Variants in NAGPA observed in about 807,000 individuals in gnomAD.
NAGPA encodes the protein alpha-N-acetylglucosaminyl phosphodiesterase.
A neutral mutation model predicts 48.5 loss-of-function variants in NAGPA; 56 were observed. The observed-to-expected ratio is 1.15, with a 90% CI of 0.93 to 1.44. NAGPA has a LOEUF of 1.44. Ranked by LOEUF, NAGPA falls within the 40% of genes most tolerant of loss-of-function variation. The pLI is 0.00. For synonymous variants in NAGPA, 399 were observed against 315.5 expected, an observed-to-expected ratio of 1.26 and a Z score of -2.81; for missense variants, 888 against 735.0, an observed-to-expected ratio of 1.21 and a Z score of -2.41.
chr16:5,031,641 C>G (rs1956097652), intron 3 of NAGPA, 104 bp downstream of exon 3: 8 of 1,507,376 alleles, frequency 5.3e-6, no homozygotes, highest in Non-Finnish European at 6.5e-6. Flanking sequence ...GTGCTGGGCA[C>G]AAAGTAGCTG....
intron 3 of NAGPA, chr16:5,031,537 T>C (rs2142566017): frequency 3.0e-6 from 2 of 671,498 alleles, no homozygotes; most frequent in South Asian, 1.8e-5. Context: ...TGAGCACTTA[T>C]CAATTCTTTT....
chr16:5,031,302 C>G, intron 3 of NAGPA: 1 of 261,330 alleles, frequency 3.8e-6, no homozygotes, highest in Non-Finnish European at 7.5e-6. Context: ...CAGTGGTTCT[C>G]AACCTTGAGT....
In NAGPA at chr16:5,025,430, G is replaced by A. The variant is rs748212801; in HGVS notation, c.*48C>T. On this transcript the variant is annotated 3_prime_UTR_variant, in exon 10 of 10. Transcript: ENST00000312251. Reference sequence around the variant, plus strand: ...AAATTTCCCCTGCAGAAGCCAGACCGTGGGGAAACAAGCTTTCGCGACGTG... The same window carrying A: ...AAATTTCCCCTGCAGAAGCCAGACCATGGGGAAACAAGCTTTCGCGACGTG... 5.7e-5 allele frequency: 91 copies of A among 1,601,790 alleles called. No individual in the cohort carries two copies. Among genetic ancestry groups the A allele is most frequent in the East Asian group, 1.8e-4 (8 of 44,778 alleles).
At chr16:5,028,510 C>T (rs12934185) in intron 5 of NAGPA, 64,677 of 610,644 alleles carry the variant, frequency 0.11, 3,996 homozygotes, top group African/African-American at 0.17. Flanking sequence ...ACTGGGATTC[C>T]AGGCGTGAGC....
At position 5,033,501 on chromosome 16, in the gene NAGPA, G is replaced by A; in HGVS notation, c.314C>T (p.Ser105Leu). 6.4e-7 allele frequency: 1 copy of A among 1,556,470 alleles called. No homozygotes were observed. The change falls in exon 2 of 10, where the codon TCG (serine) becomes TTG (leucine). Residue 105 changes from serine to leucine, a missense_variant. Physicochemically the swap from Ser to Leu is moderately radical, Grantham distance 145. Coordinates refer to ENST00000312251, the MANE Select transcript of NAGPA (RefSeq NM_016256.4). This position sits in a 1 kb window ranked among gnomAD's most constrained non-coding sequence, Gnocchi z 4.2. ...GCCGGGTCCACCGGGCTCCAGCACC[G>A]AGAAGGTGCGCAGGGGCTCAACGGC... ...TRAVEPLRTF[S>L]VLEPGGPGGC...
chr16:5,030,060 C>A, intron 4 of NAGPA: 1 of 477,908 alleles, frequency 2.1e-6, no homozygotes, highest in Non-Finnish European at 3.8e-6. Flanking sequence ...GACTTGTCTA[C>A]GGCATAGGTG....
chr16:5,032,467 C>A (rs1358969475), intron 2 of NAGPA, among the ~76,000 whole-genome samples: 6 of 150,888 alleles, frequency 4.0e-5, no homozygotes. Flanking sequence ...ACCGGCCAGG[C>A]CAATATGGTG....
rs551231765 is a variant in NAGPA at position 5,033,649 on chromosome 16, C to A, written c.166G>T (p.Ala56Ser). Residue 56 changes from alanine to serine, a missense_variant, in exon 2 of 10, where the codon GCC (alanine) becomes TCC (serine). Physicochemically the swap from Ala to Ser is moderately conservative, Grantham distance 99. Coordinates refer to ENST00000312251, the MANE Select transcript of NAGPA (RefSeq NM_016256.4). The surrounding 1 kb of genome is among the most constrained non-coding windows in gnomAD (Gnocchi z 4.2). ...CAACTCTCGTGCTCGCGGTTGCCGG[C>A]GCGCACCCGTGTGCAGTCCCGGGGG... Reference protein sequence around the residue: ...RLPRDCTRVRAGNREHESWPP... With the variant: ...RLPRDCTRVRSGNREHESWPP... 1.9e-6 allele frequency: 3 copies of A among 1,546,334 alleles called. No homozygotes were observed. Among genetic ancestry groups the A allele is most frequent in the Non-Finnish European group, 2.6e-6 (3 of 1,156,472 alleles).
chr16:5,033,520 C>A lies in NAGPA; in HGVS notation c.295G>T (p.Glu99Ter). The A allele has an allele frequency of 6.6e-7, 1 of 1,524,164 alleles. No individual in the cohort carries two copies. Among genetic ancestry groups the A allele is most frequent in the Admixed American group, 2.1e-5 (1 of 48,176 alleles). 94.4% of individuals were successfully genotyped at this position (1,524,164 alleles called of 1,614,324 possible). A position where few individuals can be genotyped will look rare whatever the true frequency, so the allele number is the denominator to read the frequency against. Residue 99 changes from glutamate to a stop codon, truncating the protein, a stop_gained, in exon 2 of 10, where the codon GAG (glutamate) becomes TAG (stop). Coordinates refer to ENST00000312251, the MANE Select transcript of NAGPA (RefSeq NM_016256.4). LOFTEE classifies it high-confidence loss of function. This position sits in a 1 kb window ranked among gnomAD's most constrained non-coding sequence, Gnocchi z 4.2. ...AGCACCGAGAAGGTGCGCAGGGGCT[C>A]AACGGCCCGCGTCAGGTGGCCGGCC... ...AVAGHLTRAV[E>*]PLRTFSVLEP...
At chr16:5,028,791 A>C in intron 5 of NAGPA, 89 bp downstream of exon 5, 1 of 1,602,180 alleles carries the variant, frequency 6.2e-7, no homozygotes, top group South Asian at 1.1e-5. Flanking sequence ...GGGGCCTGGC[A>C]CATAGCAGGC....
rs545760136 is a variant in NAGPA at position 5,025,258 on chromosome 16, C to T, written c.*220G>A. The T allele has an allele frequency of 2.7e-3, 1,686 of 616,012 alleles. 12 individuals carry two copies. Among genetic ancestry groups the T allele is most frequent in the Admixed American group, 6.9e-3 (238 of 34,448 alleles). 38.2% of individuals were successfully genotyped at this position (616,012 alleles called of 1,614,324 possible). On this transcript the variant is annotated 3_prime_UTR_variant, in exon 10 of 10. Coordinates refer to ENST00000312251, the MANE Select transcript of NAGPA (RefSeq NM_016256.4). ...ACACAGGCAGGCCAGAAGCAGGCAG[C>T]TGAGCCTCTCCAGCGAGCATGGTAT...
At chr16:5,027,764 TG>T in intron 7 of NAGPA, 81 bp downstream of exon 7, 1 of 1,531,692 alleles carries the variant, frequency 6.5e-7, no homozygotes, top group Non-Finnish European at 8.8e-7. Flanking sequence ...GACCAGAAGG[TG>T]GAGACAGAAG....
rs754090302 is a variant in NAGPA at position 5,030,498 on chromosome 16, A to G, written c.683-5T>C. ...TCACAAATTTGCTAAAGGAACCTGA[A>G]GGAAAAGCAGCCTGGCTGATCACCG... On this transcript the variant is annotated splice_region_variant and splice_polypyrimidine_tract_variant and intron_variant, in intron 3 of 9. Transcript: ENST00000312251. 1 of 1,551,652 alleles carries G rather than the reference A, an allele frequency of 6.4e-7. No individual in the cohort carries two copies. Among genetic ancestry groups the G allele is most frequent in the South Asian group, 1.2e-5 (1 of 84,084 alleles).
At chr16:5,027,751 C>T in intron 7 of NAGPA, 95 bp downstream of exon 7, 1 of 1,517,734 alleles carries the variant, frequency 6.6e-7, no homozygotes, top group South Asian at 1.2e-5. Context: ...CAAGCATTTC[C>T]CAGACCAGAA....
rs1385026484 is a variant in NAGPA at position 5,027,468 on chromosome 16, GC to G, written c.1175-90del. On this transcript the variant is annotated intron_variant, in intron 7 of 9. Transcript: ENST00000312251. ...CCTTTCTCGACAGGACAGGATACCT[GC>G]CCCTGCCCATGTGTACAGAGCCGGG... 3 of 1,364,856 alleles carry G rather than the reference GC, an allele frequency of 2.2e-6. 1 individual carries two copies. The East Asian group carries it at 7.0e-5, about 32-fold the overall frequency. 84.5% of individuals were successfully genotyped at this position (1,364,856 alleles called of 1,614,324 possible).
rs1374638042 is a variant in NAGPA at position 5,033,291 on chromosome 16, T to C, written c.524A>G (p.Asp175Gly). ...LQNAQFGIRR[D>G]GTLVTGYLSE... ...TCCTCACCCGGTGACCAGGGTCCCG[T>C]CGCGGCGGATCCCGAACTGCGCGTT... Residue 175 changes from aspartate to glycine, a missense_variant, in exon 2 of 10, where the codon GAC becomes GGC. Physicochemically the swap from Asp to Gly is moderately conservative, Grantham distance 94. Coordinates refer to ENST00000312251, the MANE Select transcript of NAGPA (RefSeq NM_016256.4). The surrounding 1 kb of genome is among the most constrained non-coding windows in gnomAD (Gnocchi z 4.2). The C allele has an allele frequency of 6.3e-7, 1 of 1,595,162 alleles. No individual in the cohort carries two copies. The highest frequency in any genetic ancestry group is 1.1e-5 in the South Asian group (1 of 90,458).
chr16:5,032,742 C>T lies in NAGPA; in HGVS notation c.542+531G>A, dbSNP rs553315987. Among the ~76,000 whole-genome samples, 5 of 151,950 alleles carry T rather than the reference C, an allele frequency of 3.3e-5. No homozygotes were observed. In the South Asian group the frequency reaches 8.3e-4, roughly 25 times the overall value. Reference sequence around the variant, plus strand: ...TCTGACACCCCACTCCTTTTTCAGTCCCTCATACACACAAGCCCCCCTGAG... The same window carrying T: ...TCTGACACCCCACTCCTTTTTCAGTTCCTCATACACACAAGCCCCCCTGAG... On this transcript the variant is annotated intron_variant, in intron 2 of 9. Coordinates refer to ENST00000312251, the MANE Select transcript of NAGPA (RefSeq NM_016256.4).
intron 9 of NAGPA, 76 bp from the exon 10 acceptor site, chr16:5,025,761 C>G: frequency 6.9e-7 from 1 of 1,451,584 alleles, no homozygotes; most frequent in Non-Finnish European, 9.4e-7. Context: ...GAGGGGCTTC[C>G]CTCTACCCGG....
At chr16:5,026,121 G>T (rs926400779) in intron 9 of NAGPA, among the ~76,000 whole-genome samples, 1 of 151,622 alleles carries the variant, frequency 6.6e-6, no homozygotes, top group South Asian at 2.1e-4. Flanking sequence ...TAGAGACCAG[G>T]TTTCACCATG....
Sources: allele counts gnomAD v4.1 joint callset (sites outside exome capture counted in the v4.1 genomes callset), GRCh38; gene constraint gnomAD v4.1.1; non-coding constraint Gnocchi (gnomAD v3.1); transcripts MANE v1.5; gene names NCBI Gene and HGNC (gene_info 2026-07-23, HGNC 2026-07-21).